The following SCARB1 variants were observed in gnomAD, a reference collection of about 807,000 sequenced individuals.
SCARB1 encodes the protein scavenger receptor class B member 1.
SCARB1 carries 30 observed loss-of-function variants against 57.2 expected under a neutral mutation model. The observed-to-expected ratio is 0.52, with a 90% CI of 0.39 to 0.71. The LOEUF (loss-of-function observed/expected upper bound fraction) is 0.71. Among genes scored for constraint, SCARB1 ranks in the 30% least tolerant of loss-of-function variants. The probability of loss-of-function intolerance (pLI) is 0.00; values close to 1 mark genes in which losing one functional copy is unlikely to be tolerated. For missense variants in SCARB1, 543 were observed against 671.2 expected (o/e 0.81, Z 2.11); for synonymous variants, 249 against 268.3 (o/e 0.93, Z 0.70).
chr12:124,844,020 T>C (rs1952028024), intron 1 of SCARB1, among the ~76,000 whole-genome samples: 1 of 152,142 alleles, frequency 6.6e-6, no homozygotes, highest in African/African-American at 2.4e-5. Flanking sequence ...GCTCCCCCTC[T>C]GCCCTACAGC....
chr12:124,850,707 C>A (rs7954697), intron 1 of SCARB1, among the ~76,000 whole-genome samples: 97,898 of 152,130 alleles, frequency 0.64, 31,915 homozygotes, highest in African/African-American at 0.75. Context: ...TAAATACATA[C>A]ATAATAAACA....
chr12:124,809,157 C>T (rs2135649734), intron 6 of SCARB1, among the ~76,000 whole-genome samples: 1 of 152,046 alleles, frequency 6.6e-6, no homozygotes, highest in Non-Finnish European at 1.5e-5. Flanking sequence ...CCAACCTACT[C>T]TCCGATGGTT....
chr12:124,827,524 T>C (rs1429290566), intron 1 of SCARB1, among the ~76,000 whole-genome samples: 2 of 152,118 alleles, frequency 1.3e-5, no homozygotes, highest in Non-Finnish European at 2.9e-5. Flanking sequence ...TTCTCCCTTT[T>C]CTCCTGTCTT....
At position 124,789,991 on chromosome 12, in the gene SCARB1, C is replaced by A. The variant is rs529062351; in HGVS notation, c.1203-2534G>T. ...ATGCCATTGCACTCCAGCCTGGCGA[C>A]AGAGTGAGACTCCGTCTCAAAAAAA... On this transcript the variant is annotated intron_variant, in intron 9 of 12. Coordinates refer to ENST00000261693, the MANE Select transcript of SCARB1 (RefSeq NM_005505.5). This position sits in a 1 kb window ranked among gnomAD's most constrained non-coding sequence, Gnocchi z 4.4. Among the ~76,000 whole-genome samples, 224 of 140,136 alleles carry A rather than the reference C, an allele frequency of 1.6e-3. 1 individual carries two copies. Among genetic ancestry groups the A allele is most frequent in the African/African-American group, 6.1e-3 (219 of 35,966 alleles). The allele number at this position is 140,136 out of a possible 152,430, so 91.9% of individuals were successfully genotyped here.
chr12:124,786,083 C>A, intron 11 of SCARB1: 13 of 1,528,754 alleles, frequency 8.5e-6, no homozygotes, highest in Non-Finnish European at 1.1e-5. Flanking sequence ...ATGCAAGTAC[C>A]AGGTCTCATT....
At chr12:124,809,113 A>C (rs903352402) in intron 6 of SCARB1, among the ~76,000 whole-genome samples, 1 of 151,906 alleles carries the variant, frequency 6.6e-6, no homozygotes, top group African/African-American at 2.4e-5. Context: ...AAAAACACCC[A>C]CTGAGTATTT....
chr12:124,861,062 T>G (rs1306572368), intron 1 of SCARB1, among the ~76,000 whole-genome samples: 1 of 152,218 alleles, frequency 6.6e-6, no homozygotes, highest in Non-Finnish European at 1.5e-5. Context: ...TGGGGGAAAC[T>G]TTCTCTCTTT....
At chr12:124,811,572 C>G (rs1382432129) in intron 5 of SCARB1, among the ~76,000 whole-genome samples, 1 of 152,194 alleles carries the variant, frequency 6.6e-6, no homozygotes, top group African/African-American at 2.4e-5. Context: ...CCACGCCCGG[C>G]CTTCAAAACA....
chr12:124,802,149 C>CAAAAA (rs10636464), intron 7 of SCARB1, among the ~76,000 whole-genome samples: 18 of 111,798 alleles, frequency 1.6e-4, no homozygotes, highest in Admixed American at 3.7e-4. Context: ...GACTGTGTCT[C>CAAAAA]AAAAAAAAAA....
At chr12:124,804,079 T>A (rs1236330241) in intron 7 of SCARB1, among the ~76,000 whole-genome samples, 4 of 152,210 alleles carry the variant, frequency 2.6e-5, no homozygotes, top group Non-Finnish European at 5.9e-5. Flanking sequence ...TTCCCTACTT[T>A]CAGCCTTGTG....
chr12:124,801,963 C>T lies in SCARB1; in HGVS notation c.1010-1721G>A, dbSNP rs1054584503. ...GTTGGGAGTTCACGACCAGCCTGAC[C>T]GATATGGAGAAACCCCGTCTCTACT... On this transcript the variant is annotated intron_variant, in intron 7 of 12. Coordinates refer to ENST00000261693, the MANE Select transcript of SCARB1 (RefSeq NM_005505.5). Among the ~76,000 whole-genome samples the T allele has an allele frequency of 4.6e-5, 7 of 151,788 alleles. No individual in the cohort carries two copies. The East Asian group carries it at 5.8e-4, about 13-fold the overall frequency.
intron 1 of SCARB1, among the ~76,000 whole-genome samples, chr12:124,860,446 C>T (rs112713616): frequency 4.6e-5 from 7 of 152,264 alleles, no homozygotes; most frequent in African/African-American, 1.7e-4. Flanking sequence ...GCCTCTCCCC[C>T]ATGTCCACCA....
At chr12:124,835,641 T>TAA (rs34785993) in intron 1 of SCARB1, among the ~76,000 whole-genome samples, 2 of 151,736 alleles carry the variant, frequency 1.3e-5, no homozygotes, top group Admixed American at 6.6e-5. Context: ...CCGCCCCCAC[T>TAA]AAAAAAAACA....
In SCARB1 at chr12:124,791,173, C is replaced by T. The variant is rs909777366; in HGVS notation, c.1203-3716G>A. Among the ~76,000 whole-genome samples, 9 of 152,238 alleles carry T rather than the reference C, an allele frequency of 5.9e-5. No homozygotes were observed. The East Asian group carries it at 1.5e-3, about 26-fold the overall frequency. On this transcript the variant is annotated intron_variant, in intron 9 of 12. Transcript: ENST00000261693. ...ATTGGGTGACTCCCCTGGGAGAGGGCTCTGGAAACTGGCACCTGCTTTCCT... is the reference window on the plus strand; with the variant it reads ...ATTGGGTGACTCCCCTGGGAGAGGGTTCTGGAAACTGGCACCTGCTTTCCT...
At chr12:124,826,617 T>A (rs1342438105) in intron 1 of SCARB1, among the ~76,000 whole-genome samples, 1 of 147,768 alleles carries the variant, frequency 6.8e-6, no homozygotes, top group African/African-American at 2.4e-5. Flanking sequence ...GCTATTTTTT[T>A]ATTTTTTTAT....
At position 124,800,126 on chromosome 12, in the gene SCARB1, G is replaced by C. The variant is rs1950079799; in HGVS notation, c.1126C>G (p.Pro376Ala). The C allele has an allele frequency of 1.2e-6, 2 of 1,610,212 alleles. No homozygotes were observed. Among genetic ancestry groups the C allele is most frequent in the Admixed American group, 3.3e-5 (2 of 60,008 alleles). ...EAHSLFLDIH[P>A]VTGIPMNCSV... ...CACAGAGGATGGCAGGGGCTCACCG[G>C]GTGGATGTCCAGGAACAAGGAGTGT... The change falls in exon 8 of 13, where the codon CCG (proline) becomes GCG (alanine). Residue 376 changes from proline to alanine, a missense_variant and splice_region_variant. Pro to Ala is a conservative substitution (Grantham distance 27). Transcript: ENST00000261693. The surrounding 1 kb of genome is among the most constrained non-coding windows in gnomAD (Gnocchi z 4.8).
At chr12:124,858,356 G>A (rs530982265) in intron 1 of SCARB1, among the ~76,000 whole-genome samples, 13 of 152,132 alleles carry the variant, frequency 8.5e-5, no homozygotes, top group Non-Finnish European at 1.9e-4. Flanking sequence ...ATGAATGGAT[G>A]CCATGAAGTT....
chr12:124,830,370 C>T (rs1024745870), intron 1 of SCARB1, among the ~76,000 whole-genome samples: 2 of 152,174 alleles, frequency 1.3e-5, no homozygotes, highest in Non-Finnish European at 2.9e-5. Flanking sequence ...TGCACCCACA[C>T]AAAGATTATC....
At chr12:124,791,650 A>G (rs567946745) in intron 9 of SCARB1, among the ~76,000 whole-genome samples, 5 of 152,308 alleles carry the variant, frequency 3.3e-5, no homozygotes. Context: ...AAGTCAGCAC[A>G]AAAGGCTCAA....
Sources: gnomAD v4.1 joint callset for allele counts (sites outside exome capture counted in the v4.1 genomes callset) on GRCh38, gnomAD v4.1.1 for gene constraint, Gnocchi (gnomAD v3.1) non-coding constraint, MANE v1.5 for transcripts, NCBI Gene and HGNC (gene_info 2026-07-23, HGNC 2026-07-21) for gene names.